The following ITPR2 variants were observed in gnomAD, a reference collection of about 807,000 sequenced individuals.
ITPR2 encodes the protein inositol 1,4,5-trisphosphate receptor type 2, also known as inositol 1,4,5-trisphosphate-gated calcium channel ITPR2.
In ITPR2, 207 loss-of-function variants were observed where a neutral mutation model predicts 317.1. That is an observed-to-expected ratio of 0.65 (90% CI 0.58 to 0.73). The LOEUF (loss-of-function observed/expected upper bound fraction) is 0.73. ITPR2 is among the 30% of genes least tolerant of loss of function. The pLI is 0.00. For synonymous variants in ITPR2, 1,156 were observed against 1,149.1 expected (o/e 1.01, Z -0.12); for missense variants, 2,613 against 3,284.0 (o/e 0.80, Z 4.99).
chr12:26,474,754 A>G, intron 45 of ITPR2, among the ~76,000 whole-genome samples: 1 of 137,446 alleles, frequency 7.3e-6, no homozygotes. Flanking sequence ...AGATCCCGCC[A>G]CTGCACTCCA....
At chr12:26,747,105 C>G (rs1389806534) in intron 2 of ITPR2, among the ~76,000 whole-genome samples, 1 of 152,146 alleles carries the variant, frequency 6.6e-6, no homozygotes, top group Non-Finnish European at 1.5e-5. Context: ...TTAGTCAAAG[C>G]CTCTATTCTT....
At chr12:26,635,133 G>A (rs1319358233) in intron 21 of ITPR2, among the ~76,000 whole-genome samples, 2 of 152,148 alleles carry the variant, frequency 1.3e-5, no homozygotes, top group Admixed American at 6.5e-5. Flanking sequence ...TTTCAGGAAA[G>A]TGAAAAGCAA....
At chr12:26,764,038 G>A (rs920010609) in intron 2 of ITPR2, among the ~76,000 whole-genome samples, 5 of 152,050 alleles carry the variant, frequency 3.3e-5, no homozygotes, top group Non-Finnish European at 5.9e-5. Context: ...AGATAGCCCA[G>A]AAATAGACTT....
In ITPR2 at chr12:26,574,385, C is replaced by T. The variant is rs189100272; in HGVS notation, c.4630+4328G>A. The stretch of plus-strand genomic sequence containing the variant: ...AGGGTTCACTTCTGAATGTGTTCCA[C>T]TTTGGTTCTCTGTTTCTATGACCAG... On this transcript the variant is annotated intron_variant, in intron 34 of 56. Coordinates refer to ENST00000381340, the MANE Select transcript of ITPR2 (RefSeq NM_002223.4). 3.6e-3 allele frequency among the ~76,000 whole-genome samples: 554 copies of T among 152,272 alleles called. 3 individuals are homozygous for T. The highest frequency in any genetic ancestry group is 3.7e-3 in the Non-Finnish European group (249 of 68,026).
intron 1 of ITPR2, 136 bp from the exon 2 acceptor site, chr12:26,790,363 G>C (rs1003919973): frequency 1.5e-6 from 1 of 649,390 alleles, no homozygotes; most frequent in African/African-American, 1.8e-5. Flanking sequence ...AACAATCATG[G>C]GTCTGTAAAA....
intron 54 of ITPR2, among the ~76,000 whole-genome samples, chr12:26,394,481 G>T (rs1229523221): frequency 6.6e-6 from 1 of 152,170 alleles, no homozygotes; most frequent in Non-Finnish European, 1.5e-5. Flanking sequence ...CATTCCAAAT[G>T]AAATTGTTCT....
intron 37 of ITPR2, among the ~76,000 whole-genome samples, chr12:26,527,909 C>T (rs1591860393): frequency 6.6e-6 from 1 of 152,158 alleles, no homozygotes; most frequent in Non-Finnish European, 1.5e-5. Flanking sequence ...CTAGTGATAC[C>T]TTTGGCCTCT....
chr12:26,513,804 G>A (rs1046504064), intron 37 of ITPR2, among the ~76,000 whole-genome samples: 5 of 151,550 alleles, frequency 3.3e-5, no homozygotes, highest in African/African-American at 9.7e-5. Context: ...TTCCCCCGCC[G>A]TGGTAGTCCC....
intron 1 of ITPR2, among the ~76,000 whole-genome samples, chr12:26,798,911 T>C (rs1019040049): frequency 1.3e-5 from 2 of 152,244 alleles, no homozygotes; most frequent in African/African-American, 4.8e-5. Context: ...ACTCATATTT[T>C]GCCTGTCTAT....
chr12:26,679,242 G>GA (rs1205484881), intron 13 of ITPR2, among the ~76,000 whole-genome samples: 1 of 152,074 alleles, frequency 6.6e-6, no homozygotes, highest in Non-Finnish European at 1.5e-5. Context: ...GTTTGCCAGG[G>GA]AAAAAAATAG....
intron 37 of ITPR2, among the ~76,000 whole-genome samples, chr12:26,527,281 T>G (rs1943831104): frequency 6.6e-6 from 1 of 152,204 alleles, no homozygotes; most frequent in Admixed American, 6.5e-5. Context: ...TCCAGACAAC[T>G]TATACTTCTT....
intron 2 of ITPR2, among the ~76,000 whole-genome samples, chr12:26,765,525 C>T (rs1314590286): frequency 6.6e-6 from 1 of 152,042 alleles, no homozygotes; most frequent in Non-Finnish European, 1.5e-5. Flanking sequence ...CATATTTCTG[C>T]TGATTGGATG....
In ITPR2 at chr12:26,483,728, C is replaced by T. The variant is rs376457027; in HGVS notation, c.5982G>A (p.Glu1994=). The change falls in exon 42 of 57, where the codon GAG becomes GAA. Residue 1994 remains glutamate (E), a synonymous_variant. Transcript: ENST00000381340. ...LVNQNLESLT[E]YCQGPCHENQ... ...TTTCATGGCAAGGGCCCTGGCAATA[C>T]TCAGTCAAGCTCTCCAGGTTCTGGT... 2.5e-6 allele frequency: 4 copies of T among 1,614,128 alleles called. No individual in the cohort carries two copies. Among genetic ancestry groups the T allele is most frequent in the Non-Finnish European group, 3.4e-6 (4 of 1,179,966 alleles).
chr12:26,414,078 CACACACACAA>C (rs1308749532), intron 51 of ITPR2, among the ~76,000 whole-genome samples: 1 of 151,692 alleles, frequency 6.6e-6, no homozygotes, highest in Non-Finnish European at 1.5e-5. Context: ...CACACACACA[CACACACACAA>C]ACACAAGTCC....
intron 9 of ITPR2, among the ~76,000 whole-genome samples, chr12:26,700,054 T>C (rs1280638124): frequency 6.6e-6 from 1 of 152,130 alleles, no homozygotes; most frequent in African/African-American, 2.4e-5. Flanking sequence ...GAGAATATGG[T>C]CCCTGACCAT....
rs759758998 is a variant in ITPR2, at chr12:26,338,779, G to T, written c.*618C>A. ...GCAATCACATCCTGTTATGTTGTCA[G>T]TGTGAGAGGCAAAAGCTCCAAAGTA... On this transcript the variant is annotated 3_prime_UTR_variant, in exon 57 of 57. Transcript: ENST00000381340. The T allele has an allele frequency of 6.6e-6, 1 of 152,220 alleles. No individual in the cohort carries two copies. The highest frequency in any genetic ancestry group is 1.5e-5 in the Non-Finnish European group (1 of 68,050). The allele number at this position is 152,220 out of a possible 1,614,324, so 9.4% of individuals were successfully genotyped here.
At chr12:26,352,794 C>A in intron 55 of ITPR2, among the ~76,000 whole-genome samples, 1 of 152,138 alleles carries the variant, frequency 6.6e-6, no homozygotes, top group East Asian at 1.9e-4. Flanking sequence ...ATTATTAGGC[C>A]AAAATCCCAC....
In ITPR2 at chr12:26,561,843, T is replaced by C. The variant is rs768065550; in HGVS notation, c.4740A>G (p.Leu1580=). The change falls in exon 35 of 57, where the codon CTA becomes CTG. Residue 1580 remains leucine (L), a synonymous_variant. Transcript: ENST00000381340. ...TAAAGCGTGGCCCAGAGCGAGCTGA[T>C]AGTCTCCAACCCATTGCTGCTCTCT... ...MVQRAAMGWR[L]SARSGPRFKE... 27 of 1,598,676 alleles carry C rather than the reference T, an allele frequency of 1.7e-5. 1 individual carries two copies. Among genetic ancestry groups the C allele is most frequent in the South Asian group, 1.1e-4 (10 of 87,180 alleles).
At chr12:26,536,526 G>C (rs1383222892) in intron 37 of ITPR2, among the ~76,000 whole-genome samples, 1 of 151,846 alleles carries the variant, frequency 6.6e-6, no homozygotes, top group Non-Finnish European at 1.5e-5. Context: ...AGTTGAAATG[G>C]ATGTAAGTGA....
Sources: gnomAD v4.1 joint callset for allele counts (sites outside exome capture counted in the v4.1 genomes callset) on GRCh38, gnomAD v4.1.1 for gene constraint, MANE v1.5 for transcripts, NCBI Gene and HGNC (gene_info 2026-07-23, HGNC 2026-07-21) for gene names.